Variants in CFAP251 observed in about 807,000 individuals in gnomAD.
The protein encoded by CFAP251 is cilia and flagella associated protein 251.
Under a neutral mutation model 126.7 loss-of-function variants are expected in CFAP251, and 93 were observed. The ratio of observed to expected loss-of-function variants is 0.73; its 90% CI spans 0.62 to 0.87. CFAP251 has a LOEUF of 0.87. Ranked by LOEUF, CFAP251 falls within the 40% of genes least tolerant of loss-of-function variation. The pLI is 0.00. For missense variants in CFAP251, 1,287 were observed against 1,389.2 expected (o/e 0.93, Z 1.17); for synonymous variants, 503 against 506.9 (o/e 0.99, Z 0.10).
chr12:121,968,455 T>C (rs1477766996), intron 17 of CFAP251, among the ~76,000 whole-genome samples: 1 of 152,176 alleles, frequency 6.6e-6, no homozygotes, highest in East Asian at 1.9e-4. Context: ...CCACACCTGC[T>C]AGAAAGATCT....
chr12:121,923,373 G>A (rs1359857585), intron 2 of CFAP251, among the ~76,000 whole-genome samples: 1 of 151,946 alleles, frequency 6.6e-6, no homozygotes, highest in Non-Finnish European at 1.5e-5. Flanking sequence ...TGCCCAGGCT[G>A]GTCTTGAACT....
intron 3 of CFAP251, among the ~76,000 whole-genome samples, chr12:121,924,926 C>T (rs1364830518): frequency 2.0e-5 from 3 of 151,954 alleles, no homozygotes; most frequent in African/African-American, 4.8e-5. Flanking sequence ...CCAGCTTCCT[C>T]CTCCCCCTTT....
rs902409265 is a variant in CFAP251 at position 121,949,004 on chromosome 12, A to T, written c.1212A>T (p.Pro404=). 6.3e-7 allele frequency: 1 copy of T among 1,583,668 alleles called. No individual in the cohort carries two copies. Among genetic ancestry groups the T allele is most frequent in the Admixed American group, 1.8e-5 (1 of 56,036 alleles). ...TTCAGAACTACGTTACTTTTAACCC[A>T]ACAAATAATAAAGAATTGGTGAGCA... The part of the protein sequence containing the change: ...YGVQNYVTFN[P]TNNKELVSNS... Residue 404 remains proline (P), a synonymous_variant, in exon 8 of 22, where the codon CCA becomes CCT. Coordinates refer to ENST00000288912, the MANE Select transcript of CFAP251 (RefSeq NM_144668.6).
At position 121,923,736 on chromosome 12, in the gene CFAP251, A is replaced by T; in HGVS notation, c.493A>T (p.Ser165Cys). 6.2e-7 allele frequency: 1 copy of T among 1,613,246 alleles called. No homozygotes were observed. Among genetic ancestry groups the T allele is most frequent in the Non-Finnish European group, 8.5e-7 (1 of 1,179,598 alleles). Residue 165 changes from serine (S) to cysteine (C), a missense_variant, in exon 3 of 22, where the codon AGT (serine) becomes TGT (cysteine). Coordinates refer to ENST00000288912, the MANE Select transcript of CFAP251 (RefSeq NM_144668.6). Reference protein sequence around the residue: ...QIEFLDLDQISPEEQQISSPE... With the variant: ...QIEFLDLDQICPEEQQISSPE... The stretch of plus-strand genomic sequence containing the variant: ...TGAATTTCTTGATTTGGATCAAATC[A>T]GTCCTGAGGAACAACAGATTAGTTC...
intron 17 of CFAP251, among the ~76,000 whole-genome samples, chr12:121,973,686 T>C (rs1411477497): frequency 6.6e-6 from 1 of 152,220 alleles, no homozygotes; most frequent in Admixed American, 6.5e-5. Flanking sequence ...GGAGATCATT[T>C]TGGAGCTTTA....
At position 121,921,495 on chromosome 12, in the gene CFAP251, G is replaced by GAGGAGGAGAAAGAGA. The variant is rs1880173805; in HGVS notation, c.196_197insAGAAAGAGAAGGAGG (p.Glu65_Gly66insGluLysGluLysGlu). 1 of 1,613,376 alleles carries GAGGAGGAGAAAGAGA rather than the reference G, an allele frequency of 6.2e-7. No individual in the cohort carries two copies. The highest frequency in any genetic ancestry group is 1.3e-5 in the African/African-American group (1 of 74,868). ...GAAAACGGGCGAGGAGGAAGGGGAG[G>GAGGAGGAGAAAGAGA]AGGAGGGGAAGGAGGACAAAAAGAT... On this transcript the variant is annotated inframe_insertion, in exon 2 of 22. Transcript: ENST00000288912.
Position 121,954,657 on chromosome 12 carries a change from A to AAC in CFAP251, c.1535+324_1535+325insCA, listed in dbSNP as rs1555218015. Among the ~76,000 whole-genome samples, 128 of 145,000 alleles carry AAC rather than the reference A, an allele frequency of 8.8e-4. 2 individuals are homozygous for AAC. The highest frequency in any genetic ancestry group is 3.1e-3 in the African/African-American group (121 of 39,224). Reference sequence around the variant, plus strand: ...GTCTTAAAAAAAAAAAAAAAAAAAAAAAAAAAAAAAACCTCTTTTGGATGT... The same window carrying AAC: ...GTCTTAAAAAAAAAAAAAAAAAAAAAACAAAAAAAAAAACCTCTTTTGGATGT... On this transcript the variant is annotated intron_variant, in intron 10 of 21. Coordinates refer to ENST00000288912, the MANE Select transcript of CFAP251 (RefSeq NM_144668.6).
chr12:122,001,007 C>T (rs1349038189), intron 20 of CFAP251, among the ~76,000 whole-genome samples: 3 of 150,134 alleles, frequency 2.0e-5, no homozygotes, highest in Non-Finnish European at 4.4e-5. Context: ...CCTGGCCCAA[C>T]ATAGCAAGAC....
intron 17 of CFAP251, among the ~76,000 whole-genome samples, 161 bp from the exon 18 acceptor site, chr12:121,975,083 G>A (rs538163993): frequency 3.3e-5 from 5 of 152,116 alleles, no homozygotes; most frequent in African/African-American, 9.7e-5. Flanking sequence ...TTCTGGTTTG[G>A]GCTTCATTTT....
At chr12:121,966,894 A>G (rs1039273534) in intron 15 of CFAP251, 61 bp from the exon 16 acceptor site, 3 of 1,540,246 alleles carry the variant, frequency 1.9e-6, no homozygotes, top group Non-Finnish European at 2.7e-6. Flanking sequence ...CGACCAAAGA[A>G]TCTTAAAACC....
chr12:121,922,704 T>C (rs1880235912), intron 2 of CFAP251, among the ~76,000 whole-genome samples: 1 of 152,188 alleles, frequency 6.6e-6, no homozygotes, highest in African/African-American at 2.4e-5. Context: ...CTTAGAAGAA[T>C]GATTTTGCCA....
In CFAP251 at chr12:121,954,883, G is replaced by A. The variant is rs572306802; in HGVS notation, c.1535+549G>A. 5.3e-5 allele frequency among the ~76,000 whole-genome samples: 8 copies of A among 152,068 alleles called. No homozygotes were observed. The South Asian group carries it at 1.2e-3, about 24-fold the overall frequency. On this transcript the variant is annotated intron_variant, in intron 10 of 21. Coordinates refer to ENST00000288912, the MANE Select transcript of CFAP251 (RefSeq NM_144668.6). ...TATGTTTAAAAAATCCCTTTGTGTC[G>A]ATGAAACAAAAAGGAACTAGATTTT...
At chr12:121,951,330 A>G (rs901632935) in intron 8 of CFAP251, 150 bp from the exon 9 acceptor site, 2 of 468,730 alleles carry the variant, frequency 4.3e-6, no homozygotes, top group African/African-American at 1.9e-5. Flanking sequence ...ATGTTTTTAG[A>G]TATTTCCCAA....
intron 19 of CFAP251, among the ~76,000 whole-genome samples, chr12:121,981,039 G>C (rs1413809406): frequency 2.0e-5 from 3 of 152,212 alleles, no homozygotes; most frequent in Admixed American, 6.5e-5. Flanking sequence ...CTTACTCAGT[G>C]GGGGGCTCTT....
chr12:121,931,027 G>A (rs775896664), intron 3 of CFAP251, among the ~76,000 whole-genome samples: 1 of 152,102 alleles, frequency 6.6e-6, no homozygotes, highest in Non-Finnish European at 1.5e-5. Flanking sequence ...GGGATTACAG[G>A]CATGAAACAG....
intron 21 of CFAP251, among the ~76,000 whole-genome samples, chr12:122,002,200 C>A (rs767330660): frequency 1.3e-5 from 2 of 151,888 alleles, no homozygotes; most frequent in African/African-American, 2.4e-5. Flanking sequence ...ACTAAAAATA[C>A]GAAAATTAGC....
chr12:121,968,909 T>C, intron 17 of CFAP251: 1 of 985,428 alleles, frequency 1.0e-6, no homozygotes, highest in Non-Finnish European at 1.2e-6. Flanking sequence ...GAGCTCAGAA[T>C]CTTCCCTAAT....
chr12:122,001,510 G>A lies in CFAP251; in HGVS notation c.3249G>A (p.Thr1083=), dbSNP rs367653135. ...RLLVTKGEHM[T]EEEMLDCFAS... ...TTTGACACACAGGTGAGCATATGAC[G>A]GAGGAGGAGATGTTGGATTGCTTTG... The change falls in exon 21 of 22, where the codon ACG becomes ACA. Residue 1083 remains threonine, a synonymous_variant. Coordinates refer to ENST00000288912, the MANE Select transcript of CFAP251 (RefSeq NM_144668.6). 3.7e-6 allele frequency: 6 copies of A among 1,613,898 alleles called. No individual in the cohort carries two copies. In the African/African-American group the frequency reaches 4.0e-5, roughly 11 times the overall value.
intron 6 of CFAP251, 97 bp from the exon 7 acceptor site, chr12:121,942,798 T>C: frequency 7.2e-7 from 1 of 1,393,772 alleles, no homozygotes; most frequent in Non-Finnish European, 1.0e-6. Flanking sequence ...CCTCTGTCCT[T>C]AGTTACTTGA....
Sources: gnomAD v4.1 joint callset for allele counts (sites outside exome capture counted in the v4.1 genomes callset) on GRCh38, gnomAD v4.1.1 for gene constraint, MANE v1.5 for transcripts, NCBI Gene and HGNC (gene_info 2026-07-23, HGNC 2026-07-21) for gene names.